Variants in TMEFF1 observed in about 807,000 individuals in gnomAD.
The protein encoded by TMEFF1 is tomoregulin-1.
TMEFF1 carries 20 observed loss-of-function variants against 47.5 expected under a neutral mutation model. That is an observed-to-expected ratio of 0.42 (90% CI 0.30 to 0.61). TMEFF1 has a LOEUF of 0.61. TMEFF1 is among the 20% of genes least tolerant of loss of function. The probability of loss-of-function intolerance (pLI) is 0.19; values close to 1 mark genes in which losing one functional copy is unlikely to be tolerated. For synonymous variants in TMEFF1, 162 were observed against 166.3 expected (o/e 0.97, Z 0.20); for missense variants, 411 against 471.1 (o/e 0.87, Z 1.18).
intron 8 of TMEFF1, among the ~76,000 whole-genome samples, chr9:100,563,366 A>G (rs1839059382): frequency 6.6e-6 from 1 of 152,230 alleles, no homozygotes; most frequent in South Asian, 2.1e-4. Flanking sequence ...GCGTCTTTCA[A>G]GATACTTAAA....
intron 2 of TMEFF1, among the ~76,000 whole-genome samples, chr9:100,505,559 T>C (rs1405817538): frequency 1.3e-5 from 2 of 152,088 alleles, no homozygotes; most frequent in Admixed American, 6.5e-5. Context: ...ATTTGTAGTA[T>C]TAAGGAAAGT....
At chr9:100,519,590 A>T (rs1838126736) in intron 5 of TMEFF1, among the ~76,000 whole-genome samples, 1 of 150,780 alleles carries the variant, frequency 6.6e-6, no homozygotes. Flanking sequence ...TAAAGAAAAA[A>T]ATTCCCGGAA....
intron 4 of TMEFF1, among the ~76,000 whole-genome samples, chr9:100,514,805 G>A (rs549524789): frequency 6.6e-6 from 1 of 152,088 alleles, no homozygotes; most frequent in South Asian, 2.1e-4. Context: ...GACCAGCCTG[G>A]CCAATGTGGT....
chr9:100,576,329 G>T (rs1240495063), intron 9 of TMEFF1, among the ~76,000 whole-genome samples, 187 bp from the exon 10 acceptor site: 1 of 152,114 alleles, frequency 6.6e-6, no homozygotes, highest in East Asian at 1.9e-4. Flanking sequence ...TTGTAGAGGA[G>T]GTAGCAGTCT....
At chr9:100,539,383 T>G (rs1326961797) in intron 5 of TMEFF1, among the ~76,000 whole-genome samples, 1 of 152,186 alleles carries the variant, frequency 6.6e-6, no homozygotes, top group African/African-American at 2.4e-5. Context: ...CTGTGGACCC[T>G]CGCGATGAGT....
At chr9:100,534,103 C>G (rs1004030956) in intron 5 of TMEFF1, among the ~76,000 whole-genome samples, 3 of 152,110 alleles carry the variant, frequency 2.0e-5, no homozygotes, top group African/African-American at 7.2e-5. Flanking sequence ...GAGGGAAAGC[C>G]TGAGGCAGGA....
intron 4 of TMEFF1, among the ~76,000 whole-genome samples, chr9:100,514,485 C>T (rs1043033411): frequency 2.0e-5 from 3 of 152,024 alleles, no homozygotes; most frequent in Non-Finnish European, 2.9e-5. Flanking sequence ...GTCAGGTATT[C>T]AGTTAGGAAA....
At chr9:100,501,852 C>T (rs761585043) in intron 2 of TMEFF1, among the ~76,000 whole-genome samples, 5 of 152,096 alleles carry the variant, frequency 3.3e-5, no homozygotes, top group Non-Finnish European at 5.9e-5. Flanking sequence ...ACCATGTTGG[C>T]CAGGATGGTC....
At chr9:100,495,402 G>C (rs530584742) in intron 1 of TMEFF1, among the ~76,000 whole-genome samples, 2 of 152,134 alleles carry the variant, frequency 1.3e-5, no homozygotes, top group South Asian at 4.2e-4. Context: ...TGTTTTTTCT[G>C]ACACTGCACC....
intron 1 of TMEFF1, among the ~76,000 whole-genome samples, chr9:100,484,950 T>C (rs1837421596): frequency 6.6e-6 from 1 of 152,186 alleles, no homozygotes; most frequent in South Asian, 2.1e-4. Flanking sequence ...ATGTTGGGAT[T>C]ACAGGCATGA....
At chr9:100,502,929 T>C (rs1014069100) in intron 2 of TMEFF1, among the ~76,000 whole-genome samples, 1 of 152,204 alleles carries the variant, frequency 6.6e-6, no homozygotes, top group African/African-American at 2.4e-5. Flanking sequence ...ACTGGTTCCT[T>C]GCCTTGTAGG....
In TMEFF1 at chr9:100,555,017, GT is replaced by G. The variant is rs1838890494; in HGVS notation, c.775+4863del. On this transcript the variant is annotated intron_variant, in intron 7 of 9. Coordinates refer to ENST00000374879, the MANE Select transcript of TMEFF1 (RefSeq NM_003692.5). ...TTGCAGATAAGCCATCTGGTACTGG[GT>G]TTTTTCATAACATCATCCCTTAGAA... 2.6e-5 allele frequency among the ~76,000 whole-genome samples: 4 copies of G among 152,126 alleles called. No individual in the cohort carries two copies. The South Asian group carries it at 8.3e-4, about 32-fold the overall frequency.
intron 4 of TMEFF1, among the ~76,000 whole-genome samples, chr9:100,514,169 G>A (rs1048172466): frequency 6.6e-6 from 1 of 152,006 alleles, no homozygotes; most frequent in Non-Finnish European, 1.5e-5. Context: ...CTACAGTTAT[G>A]ATCCTTTCAA....
intron 2 of TMEFF1, among the ~76,000 whole-genome samples, chr9:100,499,082 G>T (rs933091006): frequency 1.3e-5 from 2 of 152,054 alleles, no homozygotes; most frequent in South Asian, 4.2e-4. Context: ...GACAATAATA[G>T]ATGTGACAAT....
At chr9:100,540,497 C>T (rs1251257554) in intron 5 of TMEFF1, among the ~76,000 whole-genome samples, 1 of 152,240 alleles carries the variant, frequency 6.6e-6, no homozygotes, top group Non-Finnish European at 1.5e-5. Flanking sequence ...AGTGCCCACC[C>T]GTGCCTCCCC....
At chr9:100,564,018 T>TA (rs1839072088) in intron 8 of TMEFF1, among the ~76,000 whole-genome samples, 1 of 152,200 alleles carries the variant, frequency 6.6e-6, no homozygotes, top group South Asian at 2.1e-4. Context: ...AAACAGCCTT[T>TA]AGCCACAGTC....
At chr9:100,525,300 T>A (rs1199834691) in intron 5 of TMEFF1, among the ~76,000 whole-genome samples, 1 of 152,130 alleles carries the variant, frequency 6.6e-6, no homozygotes, top group Admixed American at 6.5e-5. Flanking sequence ...CCCCGCTTTA[T>A]AACCAGCTGC....
At chr9:100,544,944 A>C (rs1248749265) in intron 5 of TMEFF1, among the ~76,000 whole-genome samples, 1 of 152,228 alleles carries the variant, frequency 6.6e-6, no homozygotes, top group African/African-American at 2.4e-5. Flanking sequence ...ATGCCGATGC[A>C]AAAGGTGGGT....
intron 1 of TMEFF1, among the ~76,000 whole-genome samples, chr9:100,484,376 G>A (rs1837407056): frequency 6.6e-6 from 1 of 150,518 alleles, no homozygotes; most frequent in South Asian, 2.1e-4. Context: ...GGAGTGCAAT[G>A]GTGCGATCTT....
Sources: allele counts gnomAD v4.1 joint callset (sites outside exome capture counted in the v4.1 genomes callset), GRCh38; gene constraint gnomAD v4.1.1; transcripts MANE v1.5; gene names NCBI Gene and HGNC (gene_info 2026-07-23, HGNC 2026-07-21).